The following SMARCAL1 variants were observed in gnomAD, a reference collection of about 807,000 sequenced individuals.
The protein encoded by SMARCAL1 is SNF2 related chromatin remodeling annealing helicase 1, also known as ATP-driven annealing helicase.
Under a neutral mutation model 94.5 loss-of-function variants are expected in SMARCAL1, and 58 were observed. That is an observed-to-expected ratio of 0.61 (90% CI 0.50 to 0.76). The LOEUF (loss-of-function observed/expected upper bound fraction) is 0.76. SMARCAL1 is among the 30% of genes least tolerant of loss of function. SMARCAL1 has a pLI of 0.00. For missense variants in SMARCAL1, 1,051 were observed against 1,177.9 expected, an observed-to-expected ratio of 0.89 and a Z score of 1.58; for synonymous variants, 422 against 455.1, an observed-to-expected ratio of 0.93 and a Z score of 0.93.
intron 10 of SMARCAL1, among the ~76,000 whole-genome samples, chr2:216,444,753 G>A (rs1357128576): frequency 1.3e-5 from 2 of 152,208 alleles, no homozygotes; most frequent in Admixed American, 1.3e-4. Context: ...CTGACCTCAG[G>A]TGATCCGCCT....
rs529508523 is a variant in SMARCAL1 at position 216,472,824 on chromosome 2, A to G, written c.2245-2445A>G. Among the ~76,000 whole-genome samples, 52 of 152,324 alleles carry G rather than the reference A, an allele frequency of 3.4e-4. 1 individual carries two copies. The highest frequency in any genetic ancestry group is 3.4e-3 in the Middle Eastern group (1 of 294). On this transcript the variant is annotated intron_variant, in intron 14 of 17. Coordinates refer to ENST00000357276, the MANE Select transcript of SMARCAL1 (RefSeq NM_014140.4). ...CCATCAAGTCAGTAGAGGTTTTAAA[A>G]ATGTGCGGTGCTCACTGTTGATGAA...
rs369356727 is a variant in SMARCAL1 at position 216,475,227 on chromosome 2, C to T, written c.2245-42C>T. On this transcript the variant is annotated intron_variant, in intron 14 of 17. Transcript: ENST00000357276. This position sits in a 1 kb window ranked among gnomAD's most constrained non-coding sequence, Gnocchi z 4.4. Reference sequence around the variant, plus strand: ...TGGGTGTGGTTTGCTGAGAAGCCCCCGGGGCTGTTGCCCACCTTGCTTCTG... The same window carrying T: ...TGGGTGTGGTTTGCTGAGAAGCCCCTGGGGCTGTTGCCCACCTTGCTTCTG... 21 of 1,608,566 alleles carry T rather than the reference C, an allele frequency of 1.3e-5. No individual in the cohort carries two copies. Among genetic ancestry groups the T allele is most frequent in the South Asian group, 1.1e-4 (10 of 90,922 alleles).
At chr2:216,414,597 A>G (rs2106014084) in intron 2 of SMARCAL1, 50 bp from the exon 3 acceptor site, 4 of 940,648 alleles carry the variant, frequency 4.3e-6, no homozygotes, top group Non-Finnish European at 6.8e-6. Flanking sequence ...TTGGAGTATG[A>G]CAATTAATAC....
chr2:216,441,390 A>G (rs1229856221), intron 10 of SMARCAL1, among the ~76,000 whole-genome samples: 1 of 152,234 alleles, frequency 6.6e-6, no homozygotes, highest in Non-Finnish European at 1.5e-5. Context: ...TTATATATAA[A>G]TATATGAAAG....
intron 14 of SMARCAL1, among the ~76,000 whole-genome samples, chr2:216,470,816 A>C (rs1411386011): frequency 1.6e-5 from 2 of 123,974 alleles, no homozygotes; most frequent in African/African-American, 6.3e-5. Flanking sequence ...GGAACTTTAT[A>C]CTGTTACTCC....
At chr2:216,479,147 A>C in intron 17 of SMARCAL1, 1 of 152,362 alleles carries the variant, frequency 6.6e-6, no homozygotes, top group South Asian at 2.1e-4. Flanking sequence ...GCCCTCCTCG[A>C]GCACAGCTCA....
At position 216,478,216 on chromosome 2, in the gene SMARCAL1, G is replaced by T. The variant is rs119473033; in HGVS notation, c.2542G>T (p.Glu848Ter). ...TCTCCCCAACAGGCCCCTGATTCAA[G>T]AGAAGATTAAAGTTCTGGCAGAAGC... ...ADDYLWPLIQ[E>*]KIKVLAEAGL... The change falls in exon 17 of 18, where the codon GAG (glutamate) becomes TAG (stop). Residue 848 changes from glutamate (E) to a stop codon, truncating the protein, a stop_gained. Transcript: ENST00000357276. LOFTEE classifies it high-confidence loss of function. 8.3e-5 allele frequency: 134 copies of T among 1,614,152 alleles called. No homozygotes were observed. Among genetic ancestry groups the T allele is most frequent in the Non-Finnish European group, 8.9e-5 (105 of 1,179,990 alleles).
At chr2:216,436,419 G>A (rs111352874) in intron 9 of SMARCAL1, among the ~76,000 whole-genome samples, 1 of 152,308 alleles carries the variant, frequency 6.6e-6, no homozygotes, top group Non-Finnish European at 1.5e-5. Context: ...TGTCAGTACT[G>A]AGTATATTTA....
At chr2:216,452,923 G>A (rs1273445300) in intron 12 of SMARCAL1, among the ~76,000 whole-genome samples, 1 of 152,114 alleles carries the variant, frequency 6.6e-6, no homozygotes, top group Non-Finnish European at 1.5e-5. Context: ...ATGGAATTTA[G>A]GAATGTTGGG....
At chr2:216,413,479 A>G (rs1510842) in intron 1 of SMARCAL1, among the ~76,000 whole-genome samples, 62,649 of 152,050 alleles carry the variant, frequency 0.41, 13,305 homozygotes, top group South Asian at 0.48. Context: ...AAATTCTTAT[A>G]TCTCCTAAAT....
chr2:216,431,426 G>A (rs528556443), intron 7 of SMARCAL1, among the ~76,000 whole-genome samples: 23 of 152,342 alleles, frequency 1.5e-4, no homozygotes, highest in African/African-American at 5.5e-4. Context: ...TCTGGCACTT[G>A]GGATCCTTTT....
rs757704897 is a variant in SMARCAL1, at chr2:216,438,401, T to A, written c.1645-19T>A. 35 of 1,610,746 alleles carry A rather than the reference T, an allele frequency of 2.2e-5. No individual in the cohort carries two copies. The South Asian group carries it at 2.6e-4, about 12-fold the overall frequency. ...CTCAGGATTGGATCTTGTACACTTA[T>A]GTGGCTACTTCTTTTCAGGATGAAT... On this transcript the variant is annotated intron_variant, in intron 9 of 17. Coordinates refer to ENST00000357276, the MANE Select transcript of SMARCAL1 (RefSeq NM_014140.4).
chr2:216,454,955 G>T (rs1367691961), intron 12 of SMARCAL1, among the ~76,000 whole-genome samples: 2 of 152,230 alleles, frequency 1.3e-5, no homozygotes. Flanking sequence ...TGCTAGCCAA[G>T]CAAAGCTGTG....
chr2:216,425,098 TG>T lies in SMARCAL1; in HGVS notation c.1147+1418del, dbSNP rs1693802623. Among the ~76,000 whole-genome samples, 6 of 152,310 alleles carry T rather than the reference TG, an allele frequency of 3.9e-5. No individual in the cohort carries two copies. The South Asian group carries it at 1.0e-3, about 26-fold the overall frequency. On this transcript the variant is annotated intron_variant, in intron 6 of 17. Coordinates refer to ENST00000357276, the MANE Select transcript of SMARCAL1 (RefSeq NM_014140.4). ...CCACTTTGCCAGCTGGGCTTGCCAC[TG>T]GGCTTGCTTTGCCCACTCGACCTGG... is the stretch of plus-strand genomic sequence containing the variant.
At chr2:216,450,304 C>T (rs1694419757) in intron 11 of SMARCAL1, among the ~76,000 whole-genome samples, 2 of 152,224 alleles carry the variant, frequency 1.3e-5, no homozygotes, top group Non-Finnish European at 2.9e-5. Flanking sequence ...CTGCCAACCC[C>T]AGCTGCCATC....
At position 216,474,391 on chromosome 2, in the gene SMARCAL1, T is replaced by C. The variant is rs571086241; in HGVS notation, c.2245-878T>C. On this transcript the variant is annotated intron_variant, in intron 14 of 17. Coordinates refer to ENST00000357276, the MANE Select transcript of SMARCAL1 (RefSeq NM_014140.4). ...CTGACCTCAGGTGATCTACCTGCCT[T>C]GGCCTCCCAGAGTGTTGGGATTACA... 5.6e-3 allele frequency among the ~76,000 whole-genome samples: 796 copies of C among 142,760 alleles called. 10 individuals carry two copies. Among genetic ancestry groups the C allele is most frequent in the African/African-American group, 0.019 (759 of 39,078 alleles). 93.7% of individuals were successfully genotyped at this position (142,760 alleles called of 152,430 possible).
At chr2:216,467,674 C>T (rs904812893) in intron 13 of SMARCAL1, among the ~76,000 whole-genome samples, 2 of 152,086 alleles carry the variant, frequency 1.3e-5, no homozygotes, top group African/African-American at 4.8e-5. Flanking sequence ...TGGAATGTCT[C>T]TTTAGTATTA....
chr2:216,447,307 T>C (rs1421898445), intron 11 of SMARCAL1, 149 bp downstream of exon 11: 2 of 986,454 alleles, frequency 2.0e-6, no homozygotes, highest in Non-Finnish European at 3.2e-6. Context: ...TACTATGGCC[T>C]TGGAATGACC....
chr2:216,480,653 T>C (rs1239120115), intron 17 of SMARCAL1, among the ~76,000 whole-genome samples: 1 of 152,152 alleles, frequency 6.6e-6, no homozygotes, highest in Non-Finnish European at 1.5e-5. Flanking sequence ...GTTAATTGAA[T>C]AATCTGGAGT....
Sources: allele counts gnomAD v4.1 joint callset (sites outside exome capture counted in the v4.1 genomes callset), GRCh38; gene constraint gnomAD v4.1.1; non-coding constraint Gnocchi (gnomAD v3.1); transcripts MANE v1.5; gene names NCBI Gene and HGNC (gene_info 2026-07-23, HGNC 2026-07-21).